Variants in UROC1 observed in about 807,000 individuals in gnomAD.
The protein encoded by UROC1 is urocanate hydratase 1, also known as urocanate hydratase.
A neutral mutation model predicts 89.5 loss-of-function variants in UROC1; 79 were observed. The observed-to-expected ratio is 0.88, with a 90% CI of 0.74 to 1.06. The LOEUF (loss-of-function observed/expected upper bound fraction) is 1.06, where lower values mean the gene tolerates loss of function less well. Among genes scored for constraint, UROC1 ranks in the 50% least tolerant of loss-of-function variants. UROC1 has a pLI of 0.00. For synonymous variants in UROC1, 361 were observed against 354.8 expected, an observed-to-expected ratio of 1.02 and a Z score of -0.20; for missense variants, 885 against 907.8, an observed-to-expected ratio of 0.97 and a Z score of 0.32.
intron 9 of UROC1, among the ~76,000 whole-genome samples, chr3:126,501,526 G>A (rs1935922982): frequency 6.6e-6 from 1 of 152,238 alleles, no homozygotes; most frequent in East Asian, 1.9e-4. Context: ...CCACATGGCA[G>A]TGGCAAAACT....
intron 12 of UROC1, 54 bp downstream of exon 12, chr3:126,500,003 G>A: frequency 6.4e-7 from 1 of 1,556,580 alleles, no homozygotes. Flanking sequence ...TGGCCTGAGA[G>A]GCTGGGCCCA....
chr3:126,508,357 A>G, intron 4 of UROC1, 59 bp downstream of exon 4: 1 of 1,554,258 alleles, frequency 6.4e-7, no homozygotes, highest in Admixed American at 1.7e-5. Flanking sequence ...CTCCTAGGCC[A>G]GAGGACCAGA....
At chr3:126,508,210 C>T (rs1936114723) in intron 4 of UROC1, 115 bp from the exon 5 acceptor site, 1 of 1,588,148 alleles carries the variant, frequency 6.3e-7, no homozygotes, top group Non-Finnish European at 8.6e-7. Context: ...CTCCATTCCA[C>T]TCCAGTGGCC....
At chr3:126,499,234 T>C in intron 13 of UROC1, 103 bp downstream of exon 13, 1 of 1,321,434 alleles carries the variant, frequency 7.6e-7, no homozygotes, top group African/African-American at 1.5e-5. Context: ...TCAGGGGCGG[T>C]CAGAGGCTGA....
intron 1 of UROC1, among the ~76,000 whole-genome samples, chr3:126,514,646 T>C (rs552872871): frequency 6.6e-6 from 1 of 151,976 alleles, no homozygotes; most frequent in East Asian, 1.9e-4. Flanking sequence ...CTAACGTGTA[T>C]AGATGCTTCT....
At position 126,499,520 on chromosome 3, in the gene UROC1, CT is replaced by C; in HGVS notation, c.1244-112del. 3.7e-6 allele frequency: 4 copies of C among 1,070,116 alleles called. No individual in the cohort carries two copies. In the Admixed American group the frequency reaches 8.0e-5, roughly 21 times the overall value. 66.3% of individuals were successfully genotyped at this position (1,070,116 alleles called of 1,614,324 possible). A position where few individuals can be genotyped will look rare whatever the true frequency, so the allele number is the denominator to read the frequency against. On this transcript the variant is annotated intron_variant, in intron 12 of 19. Coordinates refer to ENST00000290868, the MANE Select transcript of UROC1 (RefSeq NM_144639.3). ...GAGGCTGGGGAAGGATGCACAAGGT[CT>C]TTTTCATGTAAAAGAAGAGAAAAGC...
At chr3:126,502,535 TTA>T (rs1261336445) in intron 9 of UROC1, among the ~76,000 whole-genome samples, 40 of 151,682 alleles carry the variant, frequency 2.6e-4, no homozygotes, top group Middle Eastern at 3.2e-3. Flanking sequence ...ATGTCTGTAT[TTA>T]TGTTTGTGCA....
In UROC1 at chr3:126,500,799, G is replaced by A; in HGVS notation, c.1041C>T (p.His347=). 1.2e-6 allele frequency: 2 copies of A among 1,614,086 alleles called. No homozygotes were observed. The highest frequency in any genetic ancestry group is 2.2e-5 in the South Asian group (2 of 91,086). Residue 347 remains histidine (H), a synonymous_variant, in exon 11 of 20, where the codon CAC becomes CAT. Coordinates refer to ENST00000290868, the MANE Select transcript of UROC1 (RefSeq NM_144639.3). ...GGTAGTAGCCGCCATTGAACGGGTT[G>A]TGGCAGGATGTCTGATCTGACCCCA... is the stretch of plus-strand genomic sequence containing the variant. The part of the protein sequence containing the change: ...VDLGSDQTSC[H]NPFNGGYYPV...
chr3:126,496,417 G>A (rs1022689190), intron 14 of UROC1, among the ~76,000 whole-genome samples: 1 of 152,236 alleles, frequency 6.6e-6, no homozygotes, highest in Non-Finnish European at 1.5e-5. Flanking sequence ...AGACCGCTGT[G>A]GGCCGTGAGG....
chr3:126,497,044 G>A (rs577476314), intron 14 of UROC1, among the ~76,000 whole-genome samples: 3 of 152,292 alleles, frequency 2.0e-5, no homozygotes, highest in South Asian at 2.1e-4. Context: ...CATCTGACCA[G>A]ACCCCCAGGA....
At chr3:126,498,426 G>T (rs1007735072) in intron 13 of UROC1, among the ~76,000 whole-genome samples, 1 of 152,186 alleles carries the variant, frequency 6.6e-6, no homozygotes, top group Non-Finnish European at 1.5e-5. Context: ...TGGGCAAACA[G>T]AAATGACCCC....
Position 126,492,489 on chromosome 3 carries a change from A to G in UROC1, c.1537T>C (p.Tyr513His). Residue 513 changes from tyrosine (Y) to histidine (H), a missense_variant, in exon 16 of 20, where the codon TAC becomes CAC. Coordinates refer to ENST00000290868, the MANE Select transcript of UROC1 (RefSeq NM_144639.3). ...GCCACGCGGCCCTTCTGGTCTGAGT[A>G]CAGGATCCTTGCCTGGGAGCCCACC... is the stretch of plus-strand genomic sequence containing the variant. Reference protein sequence around the residue: ...LVVGSQARILYSDQKGRVAIA... With the variant: ...LVVGSQARILHSDQKGRVAIA... 1 of 1,613,166 alleles carries G rather than the reference A, an allele frequency of 6.2e-7. No homozygotes were observed. Among genetic ancestry groups the G allele is most frequent in the Non-Finnish European group, 8.5e-7 (1 of 1,179,952 alleles).
At chr3:126,512,096 G>T (rs1474090643) in intron 1 of UROC1, among the ~76,000 whole-genome samples, 1 of 152,216 alleles carries the variant, frequency 6.6e-6, no homozygotes, top group East Asian at 1.9e-4. Flanking sequence ...TCACTGGCCT[G>T]GACTTAATCC....
intron 3 of UROC1, among the ~76,000 whole-genome samples, 184 bp from the exon 4 acceptor site, chr3:126,508,659 G>T (rs965891252): frequency 6.6e-6 from 1 of 152,144 alleles, no homozygotes; most frequent in Admixed American, 6.5e-5. Flanking sequence ...TGGAGCAAGG[G>T]TTCAGCTTGG....
intron 9 of UROC1, chr3:126,502,023 G>C: frequency 1.4e-6 from 2 of 1,452,894 alleles, no homozygotes; most frequent in South Asian, 2.8e-5. Flanking sequence ...AAGTGTGGCA[G>C]ACAGGTTGCT....
chr3:126,502,556 G>A (rs1935956489), intron 9 of UROC1, among the ~76,000 whole-genome samples: 1 of 151,240 alleles, frequency 6.6e-6, no homozygotes, highest in East Asian at 2.0e-4. Flanking sequence ...CATGAGTTAT[G>A]TGTTTATGCA....
intron 3 of UROC1, among the ~76,000 whole-genome samples, chr3:126,509,219 G>A (rs1231846866): frequency 6.8e-6 from 1 of 147,114 alleles, no homozygotes; most frequent in African/African-American, 2.5e-5. Context: ...CTGGGCCACA[G>A]AGTGAGACCC....
chr3:126,508,528 GTT>G, intron 3 of UROC1, 53 bp from the exon 4 acceptor site: 1 of 1,502,378 alleles, frequency 6.7e-7, no homozygotes, highest in East Asian at 2.3e-5. Context: ...GGCCTATGGA[GTT>G]GCAGACAGGG....
chr3:126,508,399 C>T lies in UROC1; in HGVS notation c.411+17G>A, dbSNP rs374049825. ...GAAAGGCCAGGGGTGGGGACGAGGCCACACGGTGTGCAGTACCTGAGCCCA... is the reference window on the plus strand; with the variant it reads ...GAAAGGCCAGGGGTGGGGACGAGGCTACACGGTGTGCAGTACCTGAGCCCA... On this transcript the variant is annotated intron_variant, in intron 4 of 19. Transcript: ENST00000290868. 2.2e-5 allele frequency: 35 copies of T among 1,613,252 alleles called. No individual in the cohort carries two copies. The highest frequency in any genetic ancestry group is 3.3e-5 in the Admixed American group (2 of 59,982).
Sources: gnomAD v4.1 joint callset for allele counts (sites outside exome capture counted in the v4.1 genomes callset) on GRCh38, gnomAD v4.1.1 for gene constraint, MANE v1.5 for transcripts, NCBI Gene and HGNC (gene_info 2026-07-23, HGNC 2026-07-21) for gene names.